The following SCN9A variants were observed in gnomAD, a reference collection of about 807,000 sequenced individuals.
SCN9A encodes the protein sodium voltage-gated channel alpha subunit 9.
SCN9A carries 131 observed loss-of-function variants against 187.0 expected under a neutral mutation model. The ratio of observed to expected loss-of-function variants is 0.70; its 90% CI spans 0.61 to 0.81. The LOEUF (loss-of-function observed/expected upper bound fraction) is 0.81, where lower values mean the gene tolerates loss of function less well. Ranked by LOEUF, SCN9A falls within the 30% of genes least tolerant of loss-of-function variation. SCN9A has a pLI of 0.00. For missense variants in SCN9A, 2,252 were observed against 2,396.6 expected (o/e 0.94, Z 1.26); for synonymous variants, 809 against 808.6 (o/e 1.00, Z -0.01).
rs200257417 is a variant in SCN9A at position 166,226,585 on chromosome 2, G to T, written c.4380C>A (p.Phe1460Leu). 1.3e-6 allele frequency: 2 copies of T among 1,554,186 alleles called. No homozygotes were observed. The highest frequency in any genetic ancestry group is 1.7e-6 in the Non-Finnish European group (2 of 1,146,118). The change falls in exon 24 of 27, where the codon TTC becomes TTA. Residue 1460 changes from phenylalanine (F) to leucine (L), a missense_variant. Phe to Leu is a conservative substitution (Grantham distance 22). Around this residue, in one of 7 missense-constraint regions of SCN9A, gnomAD observed 368 missense variants for 408.6 expected, o/e 0.90. Coordinates refer to ENST00000642356, the MANE Select transcript of SCN9A (RefSeq NM_001365536.1). ...NLFIGVIIDN[F>L]NQQKKKLGGQ... Reference sequence around the variant, plus strand: ...TACTTATCTTCTTTTTCTGTTGGTTGAAATTATCTATGATGACACCAATGA... The same window carrying T: ...TACTTATCTTCTTTTTCTGTTGGTTTAAATTATCTATGATGACACCAATGA...
At chr2:166,353,150 T>C (rs1218382591) in intron 1 of SCN9A, among the ~76,000 whole-genome samples, 1 of 149,092 alleles carries the variant, frequency 6.7e-6, no homozygotes, top group Non-Finnish European at 1.5e-5. Flanking sequence ...AGGTCAGGAG[T>C]TCAAGTCCAG....
intron 1 of SCN9A, among the ~76,000 whole-genome samples, chr2:166,361,711 C>T (rs1018120994): frequency 2.6e-5 from 4 of 152,006 alleles, no homozygotes; most frequent in Non-Finnish European, 4.4e-5. Context: ...TAATCATTGA[C>T]AGTAATGATG....
At chr2:166,229,472 G>A (rs2106388838) in intron 21 of SCN9A, among the ~76,000 whole-genome samples, 1 of 152,070 alleles carries the variant, frequency 6.6e-6, no homozygotes, top group South Asian at 2.1e-4. Context: ...TGTATATCAG[G>A]TAGGTGGAAT....
At chr2:166,352,619 T>G (rs1157071268) in intron 1 of SCN9A, among the ~76,000 whole-genome samples, 2 of 152,212 alleles carry the variant, frequency 1.3e-5, no homozygotes, top group African/African-American at 4.8e-5. Flanking sequence ...ATGAACTGAT[T>G]AAAAATGTTT....
At position 166,336,661 on chromosome 2, in the gene SCN9A, C is replaced by T. The variant is rs7597876; in HGVS notation, c.-50-24855G>A. On this transcript the variant is annotated intron_variant, in intron 1 of 26. Transcript: ENST00000642356. Reference sequence around the variant, plus strand: ...CTAATTGCTTTGTTTACACTGTAAACGGCCTGAGAGGCTGGCTGGGTTTTT... The same window carrying T: ...CTAATTGCTTTGTTTACACTGTAAATGGCCTGAGAGGCTGGCTGGGTTTTT... 9.4e-3 allele frequency among the ~76,000 whole-genome samples: 1,428 copies of T among 152,180 alleles called. 33 individuals carry two copies. The highest frequency in any genetic ancestry group is 0.031 in the African/African-American group (1,296 of 41,544).
chr2:166,210,467 T>TA (rs1694032713), intron 24 of SCN9A, among the ~76,000 whole-genome samples: 1 of 48,110 alleles, frequency 2.1e-5, no homozygotes, highest in African/African-American at 9.0e-5. Flanking sequence ...TAATAAAAAA[T>TA]AAAAATAAAA....
intron 6 of SCN9A, chr2:166,303,989 C>A: frequency 6.4e-7 from 1 of 1,573,300 alleles, no homozygotes; most frequent in Non-Finnish European, 8.7e-7. Flanking sequence ...GTCTTTCTTT[C>A]AAAAGATCAA....
chr2:166,326,631 T>C (rs1356406957), intron 1 of SCN9A, among the ~76,000 whole-genome samples: 1 of 152,202 alleles, frequency 6.6e-6, no homozygotes, highest in African/African-American at 2.4e-5. Flanking sequence ...GATCTTACCA[T>C]TGAGAGATCC....
chr2:166,269,791 C>A (rs1408526562), intron 17 of SCN9A, among the ~76,000 whole-genome samples: 6 of 151,998 alleles, frequency 3.9e-5, no homozygotes, highest in Non-Finnish European at 8.8e-5. Context: ...GAAATAATTC[C>A]TCATAAATGT....
At chr2:166,227,985 G>A (rs1468397684) in intron 22 of SCN9A, among the ~76,000 whole-genome samples, 1 of 151,976 alleles carries the variant, frequency 6.6e-6, no homozygotes, top group Non-Finnish European at 1.5e-5. Flanking sequence ...ATTTTTTAAA[G>A]GTGAAGGAAA....
chr2:166,337,632 G>A (rs1010807246), intron 1 of SCN9A, among the ~76,000 whole-genome samples: 2 of 152,068 alleles, frequency 1.3e-5, no homozygotes, highest in African/African-American at 4.8e-5. Flanking sequence ...GTTTGAGCTG[G>A]TATAGGAAAG....
At chr2:166,295,575 TA>T (rs1023538723) in intron 7 of SCN9A, among the ~76,000 whole-genome samples, 1 of 151,992 alleles carries the variant, frequency 6.6e-6, no homozygotes, top group Non-Finnish European at 1.5e-5. Context: ...AAAGGTACAG[TA>T]AAAAAATACA....
At chr2:166,203,646 C>G (rs528353073) in intron 26 of SCN9A, among the ~76,000 whole-genome samples, 1 of 151,966 alleles carries the variant, frequency 6.6e-6, no homozygotes, top group South Asian at 2.1e-4. Context: ...CATTGGTTTT[C>G]CAAGACACAG....
At chr2:166,224,031 T>C (rs553003567) in intron 24 of SCN9A, among the ~76,000 whole-genome samples, 1 of 152,278 alleles carries the variant, frequency 6.6e-6, no homozygotes, top group East Asian at 1.9e-4. Context: ...TTCCTGACTT[T>C]GGTGGTGATA....
chr2:166,307,255 C>G (rs764346157), intron 2 of SCN9A, among the ~76,000 whole-genome samples, 181 bp from the exon 3 acceptor site: 9 of 152,142 alleles, frequency 5.9e-5, no homozygotes, highest in Non-Finnish European at 1.2e-4. Flanking sequence ...CCAATGAACT[C>G]CAAGTCCACT....
chr2:166,317,186 A>G (rs1406488975), intron 1 of SCN9A, among the ~76,000 whole-genome samples: 3 of 151,866 alleles, frequency 2.0e-5, no homozygotes, highest in African/African-American at 4.8e-5. Context: ...AATTTGTACA[A>G]CGAAAATGTC....
intron 26 of SCN9A, 45 bp from the exon 27 acceptor site, chr2:166,199,909 A>ATGCTACCT (rs1380813655): frequency 7.0e-7 from 1 of 1,423,078 alleles, no homozygotes; most frequent in Non-Finnish European, 9.6e-7. Context: ...TTAAAGATGT[A>ATGCTACCT]TGCTACCTGA....
In SCN9A at chr2:166,277,240, A is replaced by G; in HGVS notation, c.2617T>C (p.Leu873=). 6.2e-7 allele frequency: 1 copy of G among 1,614,128 alleles called. No homozygotes were observed. The highest frequency in any genetic ancestry group is 8.5e-7 in the Non-Finnish European group (1 of 1,179,988). ...VGALGNLTLV[L]AIIVFIFAVV... is the part of the protein sequence containing the mutation. The stretch of plus-strand genomic sequence containing the variant: ...GCAAAAATGAAGACGATGATGGCCA[A>G]CACTAAGGTGAGGTTACCTAGAGCC... Residue 873 remains leucine, a synonymous_variant, in exon 16 of 27, where the codon TTG becomes CTG. Coordinates refer to ENST00000642356, the MANE Select transcript of SCN9A (RefSeq NM_001365536.1).
At chr2:166,218,494 G>A (rs998344662) in intron 24 of SCN9A, among the ~76,000 whole-genome samples, 1 of 152,012 alleles carries the variant, frequency 6.6e-6, no homozygotes, top group African/African-American at 2.4e-5. Context: ...TAGGACTGGG[G>A]GAAGACGATG....
Sources: gnomAD v4.1 joint callset for allele counts (sites outside exome capture counted in the v4.1 genomes callset) on GRCh38, gnomAD v4.1.1 for gene constraint, gnomAD v4.1.1 regional missense constraint, MANE v1.5 for transcripts, NCBI Gene and HGNC (gene_info 2026-07-23, HGNC 2026-07-21) for gene names.